The following PHC2 variants were observed in gnomAD, a reference collection of about 807,000 sequenced individuals.
PHC2 encodes the protein polyhomeotic homolog 2, also known as polyhomeotic-like protein 2.
A neutral mutation model predicts 87.4 loss-of-function variants in PHC2; 29 were observed. That is an observed-to-expected ratio of 0.33 (90% CI 0.25 to 0.45). PHC2 has a LOEUF of 0.45. Ranked by LOEUF, PHC2 falls within the 20% of genes least tolerant of loss-of-function variation. The probability of loss-of-function intolerance (pLI) is 1.00; values close to 1 mark genes in which losing one functional copy is unlikely to be tolerated. For missense variants in PHC2, 857 were observed against 1,136.7 expected, an observed-to-expected ratio of 0.75 and a Z score of 3.54; for synonymous variants, 438 against 461.7, an observed-to-expected ratio of 0.95 and a Z score of 0.66.
chr1:33,336,281 G>A (rs966273769), intron 9 of PHC2, among the ~76,000 whole-genome samples: 3 of 151,908 alleles, frequency 2.0e-5, no homozygotes, highest in East Asian at 1.9e-4. Context: ...GAGCCACCGC[G>A]CCCAGCCTCA....
At chr1:33,339,004 C>CT (rs1426109655) in intron 9 of PHC2, among the ~76,000 whole-genome samples, 12 of 152,336 alleles carry the variant, frequency 7.9e-5, no homozygotes, top group African/African-American at 2.9e-4. Context: ...AACTTCTAGG[C>CT]TGTTTCTCAT....
chr1:33,372,567 G>A (rs1273199163), intron 2 of PHC2, 120 bp from the exon 3 acceptor site: 7 of 836,800 alleles, frequency 8.4e-6, no homozygotes, highest in South Asian at 3.0e-5. Flanking sequence ...CAAGATCTGT[G>A]ACCACCACCA....
chr1:33,368,488 T>C lies in PHC2; in HGVS notation c.663+48A>G. 1 of 1,030,546 alleles carries C rather than the reference T, an allele frequency of 9.7e-7. No individual in the cohort carries two copies. Among genetic ancestry groups the C allele is most frequent in the Non-Finnish European group, 1.4e-6 (1 of 703,434 alleles). 63.8% of individuals were successfully genotyped at this position (1,030,546 alleles called of 1,614,324 possible). A position where few individuals can be genotyped will look rare whatever the true frequency, so the allele number is the denominator to read the frequency against. ...CCCCTCCCCAGTATCAGTGCCCCTC[T>C]ACAGGGGTGCCCACCCCCCTGCCCT... On this transcript the variant is annotated intron_variant, in intron 6 of 14. Coordinates refer to ENST00000683057, the MANE Select transcript of PHC2 (RefSeq NM_001385109.1). The surrounding 1 kb of genome is among the most constrained non-coding windows in gnomAD (Gnocchi z 6.6).
At chr1:33,367,029 A>G in intron 7 of PHC2, 87 bp downstream of exon 7, 2 of 1,196,422 alleles carry the variant, frequency 1.7e-6, no homozygotes, top group Non-Finnish European at 2.4e-6. Flanking sequence ...TTGCAAATCC[A>G]TGGGAAAAAG....
intron 9 of PHC2, chr1:33,347,037 C>T (rs867098895): frequency 1.0e-6 from 1 of 985,400 alleles, no homozygotes; most frequent in Non-Finnish European, 1.2e-6. Flanking sequence ...GCCCTCTCCC[C>T]CTGAAAGATC....
At chr1:33,357,565 C>G (rs1190476322) in intron 7 of PHC2, among the ~76,000 whole-genome samples, 1 of 152,130 alleles carries the variant, frequency 6.6e-6, no homozygotes, top group Non-Finnish European at 1.5e-5. Flanking sequence ...ACTTGGACAC[C>G]AGTGTGATGT....
intron 1 of PHC2, among the ~76,000 whole-genome samples, chr1:33,393,887 G>C (rs1357054499): frequency 6.6e-6 from 1 of 152,066 alleles, no homozygotes; most frequent in Non-Finnish European, 1.5e-5. Context: ...AATTATACTC[G>C]AATCATTAAA....
intron 9 of PHC2, among the ~76,000 whole-genome samples, chr1:33,340,924 GA>G (rs1211791647): frequency 2.1e-5 from 3 of 140,210 alleles, no homozygotes; most frequent in Admixed American, 2.1e-4. Flanking sequence ...TGGGGTGGGG[GA>G]GGGGGTGGGT....
chr1:33,360,409 C>T (rs747022204), intron 7 of PHC2, among the ~76,000 whole-genome samples: 4 of 152,386 alleles, frequency 2.6e-5, no homozygotes, highest in Non-Finnish European at 4.4e-5. Flanking sequence ...AGTGGATAAA[C>T]GCATGGGTTT....
At position 33,382,761 on chromosome 1, in the gene PHC2, T is replaced by C. The variant is rs942072161; in HGVS notation, c.-54-7168A>G. 3.3e-5 allele frequency among the ~76,000 whole-genome samples: 5 copies of C among 152,178 alleles called. No homozygotes were observed. Among genetic ancestry groups the C allele is most frequent in the Non-Finnish European group, 7.3e-5 (5 of 68,032 alleles). ...AGACCAGCAGCTGGAGAAACGCTGA[T>C]GGTTCTGCCCTCCCAGGAGCCGCCA... On this transcript the variant is annotated intron_variant, in intron 1 of 14. Coordinates refer to ENST00000683057, the MANE Select transcript of PHC2 (RefSeq NM_001385109.1). The surrounding 1 kb of genome is among the most constrained non-coding windows in gnomAD (Gnocchi z 4.3).
intron 9 of PHC2, chr1:33,346,591 AC>A: frequency 1.0e-6 from 1 of 985,386 alleles, no homozygotes; most frequent in Non-Finnish European, 1.2e-6. Flanking sequence ...CTCTTGGTAA[AC>A]ACCGTACTAA....
At chr1:33,396,294 A>C (rs1267526567) in intron 1 of PHC2, among the ~76,000 whole-genome samples, 1 of 152,028 alleles carries the variant, frequency 6.6e-6, no homozygotes, top group Non-Finnish European at 1.5e-5. Flanking sequence ...GGAGAGGGAG[A>C]AGCTGGCACG....
intron 9 of PHC2, among the ~76,000 whole-genome samples, chr1:33,335,604 A>T (rs1375157689): frequency 6.6e-6 from 1 of 152,248 alleles, no homozygotes; most frequent in African/African-American, 2.4e-5. Flanking sequence ...GACACGTTTG[A>T]GAAAAGGTGG....
At chr1:33,380,378 C>T (rs1034987269) in intron 1 of PHC2, among the ~76,000 whole-genome samples, 1 of 152,198 alleles carries the variant, frequency 6.6e-6, no homozygotes, top group African/African-American at 2.4e-5. Flanking sequence ...CTTTCATTCT[C>T]TATGAATTTG....
At chr1:33,379,317 A>ACCCCCCCC (rs1648351709) in intron 1 of PHC2, among the ~76,000 whole-genome samples, 1 of 11,086 alleles carries the variant, frequency 9.0e-5, no homozygotes, top group African/African-American at 3.6e-4. Flanking sequence ...CCACCCCCCC[A>ACCCCCCCC]CTGCCCCCCT....
intron 1 of PHC2, among the ~76,000 whole-genome samples, chr1:33,377,721 A>G (rs1483376663): frequency 3.3e-5 from 5 of 151,946 alleles, no homozygotes; most frequent in Admixed American, 6.6e-5. Context: ...TTTTCATACT[A>G]ATGAGAGCAT....
chr1:33,406,856 C>G (rs1649783884), intron 1 of PHC2, among the ~76,000 whole-genome samples: 1 of 147,850 alleles, frequency 6.8e-6, no homozygotes, highest in Non-Finnish European at 1.5e-5. Flanking sequence ...CTTCCAATAT[C>G]CTCTGTCCCA....
At chr1:33,418,112 C>A (rs1650281250) in intron 1 of PHC2, among the ~76,000 whole-genome samples, 1 of 152,044 alleles carries the variant, frequency 6.6e-6, no homozygotes, top group African/African-American at 2.4e-5. Context: ...CATTAAAACA[C>A]TAGTGTTAGA....
intron 1 of PHC2, among the ~76,000 whole-genome samples, chr1:33,415,462 C>G (rs1650166408): frequency 6.6e-6 from 1 of 152,146 alleles, no homozygotes; most frequent in African/African-American, 2.4e-5. Flanking sequence ...GCTCTGGACC[C>G]ACCATAATAA....
Sources: allele counts gnomAD v4.1 joint callset (sites outside exome capture counted in the v4.1 genomes callset), GRCh38; gene constraint gnomAD v4.1.1; non-coding constraint Gnocchi (gnomAD v3.1); transcripts MANE v1.5; gene names NCBI Gene and HGNC (gene_info 2026-07-23, HGNC 2026-07-21).